FRMD5: variants seen among roughly 807,000 people sequenced by gnomAD.
The protein encoded by FRMD5 is FERM domain-containing protein 5.
In FRMD5, 20 loss-of-function variants were observed where a neutral mutation model predicts 69.0. The ratio of observed to expected loss-of-function variants is 0.29; its 90% CI spans 0.20 to 0.42. The LOEUF (loss-of-function observed/expected upper bound fraction) is 0.42. Among genes scored for constraint, FRMD5 ranks in the 10% least tolerant of loss-of-function variants. The pLI is 1.00. For missense variants in FRMD5, 595 were observed against 708.6 expected (o/e 0.84, Z 1.82); for synonymous variants, 271 against 260.1 (o/e 1.04, Z -0.40).
intron 1 of FRMD5, among the ~76,000 whole-genome samples, chr15:43,994,744 A>T (rs1218639815): frequency 6.6e-6 from 1 of 152,202 alleles, no homozygotes; most frequent in Admixed American, 6.5e-5. Context: ...TAGCATTTTT[A>T]AATAGTTTTG....
At chr15:43,976,407 TG>T (rs2090463041) in intron 1 of FRMD5, among the ~76,000 whole-genome samples, 1 of 152,170 alleles carries the variant, frequency 6.6e-6, no homozygotes, top group Non-Finnish European at 1.5e-5. Flanking sequence ...AGGACTTGCA[TG>T]TAGAATAAAA....
intron 1 of FRMD5, among the ~76,000 whole-genome samples, chr15:44,015,236 AG>A (rs1890903724): frequency 6.6e-6 from 1 of 152,030 alleles, no homozygotes; most frequent in Non-Finnish European, 1.5e-5. Context: ...CCTGGGCTCA[AG>A]TGATCCTCCT....
At chr15:44,080,693 A>T (rs953495909) in intron 1 of FRMD5, among the ~76,000 whole-genome samples, 1 of 152,144 alleles carries the variant, frequency 6.6e-6, no homozygotes, top group Non-Finnish European at 1.5e-5. Context: ...AAAGGCAATG[A>T]AACACCTCAC....
At chr15:43,891,016 A>G (rs1236273447) in intron 8 of FRMD5, among the ~76,000 whole-genome samples, 1 of 152,102 alleles carries the variant, frequency 6.6e-6, no homozygotes, top group African/African-American at 2.4e-5. Flanking sequence ...GACAAACCAA[A>G]CAGACTTCCC....
intron 1 of FRMD5, among the ~76,000 whole-genome samples, chr15:43,976,430 C>T (rs952501557): frequency 6.6e-6 from 1 of 152,064 alleles, no homozygotes; most frequent in Non-Finnish European, 1.5e-5. Context: ...GAACCCTCAA[C>T]ATTCCATAAA....
chr15:44,014,546 G>C (rs1322194431), intron 1 of FRMD5, among the ~76,000 whole-genome samples: 3 of 152,126 alleles, frequency 2.0e-5, no homozygotes, highest in Non-Finnish European at 4.4e-5. Flanking sequence ...AGACCAGCCT[G>C]GCCAACATGG....
intron 1 of FRMD5, among the ~76,000 whole-genome samples, chr15:44,140,849 C>T (rs1352276032): frequency 7.6e-6 from 1 of 132,362 alleles, no homozygotes; most frequent in Non-Finnish European, 1.5e-5. Context: ...CATCATTGCA[C>T]TCTAGCCTGG....
At chr15:43,977,016 T>C (rs1366957377) in intron 1 of FRMD5, among the ~76,000 whole-genome samples, 2 of 152,074 alleles carry the variant, frequency 1.3e-5, no homozygotes, top group African/African-American at 4.8e-5. Context: ...GCATTTTTAG[T>C]AGAAACAGGG....
In FRMD5 at chr15:43,970,216, G is replaced by A. The variant is rs1035735127; in HGVS notation, c.103-45907C>T. On this transcript the variant is annotated intron_variant, in intron 1 of 13. Coordinates refer to ENST00000417257, the MANE Select transcript of FRMD5 (RefSeq NM_032892.5). ...GAAACATCAGAAGACAACCCAGGCT[G>A]CTGGCCTGACACTCATGGCCTAGCT... 2.6e-5 allele frequency among the ~76,000 whole-genome samples: 4 copies of A among 152,214 alleles called. No individual in the cohort carries two copies. In the South Asian group the frequency reaches 6.2e-4, roughly 24 times the overall value.
intron 7 of FRMD5, among the ~76,000 whole-genome samples, chr15:43,897,837 G>A (rs1302385728): frequency 6.6e-6 from 1 of 151,980 alleles, no homozygotes; most frequent in Non-Finnish European, 1.5e-5. Context: ...TGGACCATGG[G>A]GCAGTTTCCC....
intron 1 of FRMD5, among the ~76,000 whole-genome samples, chr15:44,140,684 G>C (rs965950847): frequency 2.0e-5 from 3 of 151,864 alleles, no homozygotes; most frequent in African/African-American, 4.8e-5. Flanking sequence ...TTGGAGACCA[G>C]TCTGGGCAAC....
intron 1 of FRMD5, among the ~76,000 whole-genome samples, chr15:44,142,948 G>C (rs1386486760): frequency 6.6e-6 from 1 of 152,036 alleles, no homozygotes; most frequent in East Asian, 1.9e-4. Context: ...AAATTAGCTG[G>C]GCGTGGTGGC....
chr15:43,975,182 CAA>C (rs1233013607), intron 1 of FRMD5, among the ~76,000 whole-genome samples: 1 of 152,128 alleles, frequency 6.6e-6, no homozygotes, highest in Non-Finnish European at 1.5e-5. Context: ...TCAGAGTTCT[CAA>C]AAGTCATCTA....
intron 1 of FRMD5, among the ~76,000 whole-genome samples, chr15:44,019,007 G>T (rs879700775): frequency 4.6e-5 from 7 of 151,928 alleles, no homozygotes; most frequent in Admixed American, 4.6e-4. Flanking sequence ...CGATTCTCCT[G>T]CCCTAGCCTC....
chr15:44,100,235 T>A (rs981662509), intron 1 of FRMD5, among the ~76,000 whole-genome samples: 26 of 151,364 alleles, frequency 1.7e-4, no homozygotes, highest in Non-Finnish European at 2.7e-4. Context: ...TTTTTTTTTT[T>A]AAGTAGAGAG....
chr15:43,958,442 T>A (rs1488696218), intron 1 of FRMD5, among the ~76,000 whole-genome samples: 1 of 152,190 alleles, frequency 6.6e-6, no homozygotes. Context: ...TTTTTGTTTT[T>A]GAAACAAGGT....
chr15:44,031,331 T>C (rs748567743), intron 1 of FRMD5, among the ~76,000 whole-genome samples: 1 of 152,160 alleles, frequency 6.6e-6, no homozygotes, highest in Admixed American at 6.5e-5. Flanking sequence ...AAAATTAATG[T>C]TTGTCTTAGT....
intron 1 of FRMD5, 85 bp from the exon 2 acceptor site, chr15:43,924,394 T>C (rs966627777): frequency 2.2e-6 from 2 of 908,706 alleles, no homozygotes; most frequent in African/African-American, 1.7e-5. Flanking sequence ...AAAAGTTGTT[T>C]GTAACTGTTG....
intron 1 of FRMD5, among the ~76,000 whole-genome samples, chr15:43,936,823 G>A (rs1001667808): frequency 6.6e-6 from 1 of 151,780 alleles, no homozygotes; most frequent in Non-Finnish European, 1.5e-5. Flanking sequence ...CCAGAAAGAT[G>A]CCGACAGTAC....
Sources: allele counts gnomAD v4.1 joint callset (sites outside exome capture counted in the v4.1 genomes callset), GRCh38; gene constraint gnomAD v4.1.1; transcripts MANE v1.5; gene names NCBI Gene and HGNC (gene_info 2026-07-23, HGNC 2026-07-21).